HEMK2: variants seen among roughly 807,000 people sequenced by gnomAD.
HEMK2 encodes methyltransferase HEMK2.
chr21:28,738,734 C>T, the HEMK2 span, among the ~76,000 whole-genome samples: 1 of 152,244 alleles, frequency 6.6e-6, no homozygotes, highest in East Asian at 1.9e-4. Flanking sequence ...CCAGAGATGG[C>T]TCTAGTCCCC....
At chr21:28,720,951 C>A in the HEMK2 span, among the ~76,000 whole-genome samples, 1 of 152,030 alleles carries the variant, frequency 6.6e-6, no homozygotes, top group Non-Finnish European at 1.5e-5. Context: ...CTATCCATGG[C>A]AAAAGAGGTA....
the HEMK2 span, among the ~76,000 whole-genome samples, chr21:28,860,246 G>A: frequency 6.6e-6 from 1 of 151,980 alleles, no homozygotes; most frequent in Non-Finnish European, 1.5e-5. Flanking sequence ...AAAGAAGCAG[G>A]CAGAAAAATA....
chr21:28,882,309 A>T, the HEMK2 span: 1 of 1,263,146 alleles, frequency 7.9e-7, no homozygotes, highest in East Asian at 2.4e-5. Context: ...TCTGTTACTG[A>T]GTAATATCAA....
the HEMK2 span, among the ~76,000 whole-genome samples, chr21:28,815,622 AC>A: frequency 6.6e-6 from 1 of 152,114 alleles, no homozygotes; most frequent in African/African-American, 2.4e-5. Context: ...CATGCCTCCA[AC>A]ACATTCACTG....
At chr21:28,873,185 T>C in the HEMK2 span, 2 of 152,358 alleles carry the variant, frequency 1.3e-5, no homozygotes, top group East Asian at 3.9e-4. Context: ...CTTCATGTGA[T>C]GTTTACTCTC....
the HEMK2 span, among the ~76,000 whole-genome samples, chr21:28,690,344 G>A: frequency 2.0e-5 from 3 of 152,120 alleles, no homozygotes; most frequent in African/African-American, 7.2e-5. Context: ...CTGAATTGTG[G>A]CAATCATCTG....
the HEMK2 span, among the ~76,000 whole-genome samples, chr21:28,641,750 T>A: frequency 1.3e-5 from 2 of 152,218 alleles, no homozygotes; most frequent in Non-Finnish European, 2.9e-5. Flanking sequence ...AGATACAAAT[T>A]ATACAATTTC....
chr21:28,802,428 G>T, the HEMK2 span, among the ~76,000 whole-genome samples: 1 of 152,158 alleles, frequency 6.6e-6, no homozygotes, highest in Non-Finnish European at 1.5e-5. Context: ...CTGGAATGGG[G>T]AACAGAAATG....
At chr21:28,696,433 T>G in the HEMK2 span, among the ~76,000 whole-genome samples, 4 of 152,360 alleles carry the variant, frequency 2.6e-5, no homozygotes, top group Admixed American at 1.3e-4. Flanking sequence ...ACTCCATGTC[T>G]CGCATCCAGG....
the HEMK2 span, among the ~76,000 whole-genome samples, chr21:28,650,319 A>T: frequency 6.6e-6 from 1 of 151,966 alleles, no homozygotes; most frequent in Non-Finnish European, 1.5e-5. Context: ...CGTTTGAACC[A>T]GGGAGGCAGG....
At chr21:28,777,466 A>G in the HEMK2 span, among the ~76,000 whole-genome samples, 1 of 152,122 alleles carries the variant, frequency 6.6e-6, no homozygotes, top group Non-Finnish European at 1.5e-5. Flanking sequence ...CCCTAAATCA[A>G]TGTCTACAAA....
At chr21:28,799,772 A>G in the HEMK2 span, among the ~76,000 whole-genome samples, 1 of 152,146 alleles carries the variant, frequency 6.6e-6, no homozygotes, top group African/African-American at 2.4e-5. Context: ...ACAAAATATT[A>G]TTTTTAACTT....
the HEMK2 span, among the ~76,000 whole-genome samples, chr21:28,652,312 T>C: frequency 1.3e-5 from 2 of 152,204 alleles, no homozygotes; most frequent in African/African-American, 2.4e-5. Flanking sequence ...GGGCATGTCA[T>C]TGCCCAGGAA....
At chr21:28,737,065 G>C in the HEMK2 span, among the ~76,000 whole-genome samples, 1 of 152,182 alleles carries the variant, frequency 6.6e-6, no homozygotes, top group African/African-American at 2.4e-5. Context: ...AATGATTGGG[G>C]TTGAGGAGGC....
chr21:28,838,832 G>A, the HEMK2 span, among the ~76,000 whole-genome samples: 13 of 148,360 alleles, frequency 8.8e-5, no homozygotes, highest in Non-Finnish European at 1.5e-4. Flanking sequence ...CCAGCTACTC[G>A]GGAGGCTGAG....
the HEMK2 span, among the ~76,000 whole-genome samples, chr21:28,852,397 C>G: frequency 6.6e-6 from 1 of 152,142 alleles, no homozygotes; most frequent in South Asian, 2.1e-4. Flanking sequence ...TGGGCTAAAA[C>G]TTCATTAATT....
the HEMK2 span, among the ~76,000 whole-genome samples, chr21:28,633,059 C>T: frequency 6.6e-6 from 1 of 152,200 alleles, no homozygotes; most frequent in Admixed American, 6.5e-5. Flanking sequence ...CAGCTTTTCT[C>T]TAAAACCAGC....
chr21:28,758,597 A>G, the HEMK2 span, among the ~76,000 whole-genome samples: 1 of 152,214 alleles, frequency 6.6e-6, no homozygotes, highest in Non-Finnish European at 1.5e-5. Context: ...AACGAGCAGA[A>G]GAGAAGATGA....
the HEMK2 span, among the ~76,000 whole-genome samples, chr21:28,627,253 G>A: frequency 1.3e-5 from 2 of 152,118 alleles, no homozygotes; most frequent in African/African-American, 4.8e-5. Flanking sequence ...AATTTCTGGG[G>A]TTATGGAAAT....
Sources: gnomAD v4.1 joint callset for allele counts (sites outside exome capture counted in the v4.1 genomes callset) on GRCh38, gnomAD v4.1.1 for gene constraint, MANE v1.5 for transcripts, NCBI Gene and HGNC (gene_info 2026-07-23, HGNC 2026-07-21) for gene names.